CTIF: variants seen among roughly 807,000 people sequenced by gnomAD.
CTIF encodes cap binding complex dependent translation initiation factor, also known as CBP80/20-dependent translation initiation factor.
In CTIF, 21 loss-of-function variants were observed where a neutral mutation model predicts 66.0. The observed-to-expected ratio is 0.32, with a 90% CI of 0.23 to 0.46. The LOEUF (loss-of-function observed/expected upper bound fraction) is 0.46. CTIF is among the 20% of genes least tolerant of loss of function. CTIF has a pLI of 1.00. For missense variants in CTIF, 739 were observed against 812.7 expected, an observed-to-expected ratio of 0.91 and a Z score of 1.10; for synonymous variants, 345 against 326.4, an observed-to-expected ratio of 1.06 and a Z score of -0.62.
intron 7 of CTIF, among the ~76,000 whole-genome samples, chr18:48,716,505 T>C (rs1362865826): frequency 6.6e-6 from 1 of 152,032 alleles, no homozygotes; most frequent in Non-Finnish European, 1.5e-5. Flanking sequence ...CTTGGTGTCC[T>C]CTAAATGCTC....
intron 2 of CTIF, among the ~76,000 whole-genome samples, chr18:48,620,566 T>C (rs1481729015): frequency 6.6e-6 from 1 of 152,092 alleles, no homozygotes; most frequent in African/African-American, 2.4e-5. Flanking sequence ...ATCTGGCAAA[T>C]GGGAATTATG....
chr18:48,556,949 T>C (rs547345601), intron 1 of CTIF, among the ~76,000 whole-genome samples: 3 of 152,366 alleles, frequency 2.0e-5, no homozygotes, highest in Admixed American at 6.5e-5. Context: ...CAGTGTCTAC[T>C]TCATAAGGCT....
intron 6 of CTIF, among the ~76,000 whole-genome samples, chr18:48,698,415 G>A (rs1410229713): frequency 1.3e-5 from 2 of 152,126 alleles, no homozygotes; most frequent in Non-Finnish European, 2.9e-5. Context: ...GTCTCCTTGT[G>A]TTGCCCCGGC....
intron 1 of CTIF, among the ~76,000 whole-genome samples, chr18:48,598,732 G>A (rs1286793973): frequency 6.6e-6 from 1 of 152,198 alleles, no homozygotes; most frequent in African/African-American, 2.4e-5. Flanking sequence ...GCAAGAATGA[G>A]CATGATAGCA....
intron 7 of CTIF, among the ~76,000 whole-genome samples, chr18:48,753,063 A>G (rs190147071): frequency 1.3e-5 from 2 of 152,140 alleles, no homozygotes; most frequent in East Asian, 3.9e-4. Context: ...CCTCACCGCA[A>G]CCCTTGCGTT....
intron 2 of CTIF, chr18:48,625,384 T>C: frequency 1.1e-5 from 2 of 177,668 alleles, no homozygotes; most frequent in Non-Finnish European, 2.2e-5. Flanking sequence ...AATAATTAAA[T>C]TCTCCTGAGC....
chr18:48,677,876 C>T (rs1341821627), intron 6 of CTIF, among the ~76,000 whole-genome samples: 1 of 152,228 alleles, frequency 6.6e-6, no homozygotes, highest in East Asian at 1.9e-4. Flanking sequence ...ACCACAGAGG[C>T]TACCATGACT....
At position 48,608,572 on chromosome 18, in the gene CTIF, G is replaced by A. The variant is rs10438920; in HGVS notation, c.-28-10966G>A. 5.1e-3 allele frequency among the ~76,000 whole-genome samples: 780 copies of A among 152,284 alleles called. 3 individuals are homozygous for A. The highest frequency in any genetic ancestry group is 0.018 in the African/African-American group (757 of 41,558). ...GGTCTCTGTGACCTGGGCCGGTCAGGGTGGCATCTAAGAGGTGGGCTTGAG... is the reference window on the plus strand; with the variant it reads ...GGTCTCTGTGACCTGGGCCGGTCAGAGTGGCATCTAAGAGGTGGGCTTGAG... On this transcript the variant is annotated intron_variant, in intron 1 of 11. Transcript: ENST00000256413.
intron 10 of CTIF, among the ~76,000 whole-genome samples, chr18:48,848,395 C>G (rs957224243): frequency 6.6e-6 from 1 of 152,202 alleles, no homozygotes; most frequent in South Asian, 2.1e-4. Flanking sequence ...CACCTCCAGT[C>G]GCTACCAAAG....
At chr18:48,806,909 C>A (rs545844185) in intron 9 of CTIF, among the ~76,000 whole-genome samples, 1 of 152,096 alleles carries the variant, frequency 6.6e-6, no homozygotes, top group Non-Finnish European at 1.5e-5. Context: ...TAAATGGTAG[C>A]CTTAAAGTTT....
At chr18:48,648,209 C>G (rs1364480881) in intron 3 of CTIF, among the ~76,000 whole-genome samples, 1 of 152,148 alleles carries the variant, frequency 6.6e-6, no homozygotes, top group African/African-American at 2.4e-5. Flanking sequence ...CAGGCATTAT[C>G]ATTGTCTCCT....
At chr18:48,737,108 C>T (rs938996234) in intron 7 of CTIF, among the ~76,000 whole-genome samples, 3 of 152,106 alleles carry the variant, frequency 2.0e-5, no homozygotes, top group African/African-American at 7.2e-5. Context: ...TGATGAGAGA[C>T]TCCTGTGTCT....
intron 10 of CTIF, among the ~76,000 whole-genome samples, chr18:48,845,457 AT>A (rs1226178312): frequency 6.6e-6 from 1 of 152,002 alleles, no homozygotes; most frequent in Non-Finnish European, 1.5e-5. Context: ...TCATGACGCC[AT>A]TTCCTCCTGT....
chr18:48,609,460 C>G (rs570677790), intron 1 of CTIF, among the ~76,000 whole-genome samples: 1 of 152,254 alleles, frequency 6.6e-6, no homozygotes, highest in East Asian at 1.9e-4. Context: ...TTGATGTATG[C>G]CTAGCGGTGT....
chr18:48,757,924 A>T lies in CTIF; in HGVS notation c.590A>T (p.Gln197Leu). Residue 197 changes from glutamine (Q) to leucine (L), a missense_variant, in exon 8 of 12, where the codon CAG (glutamine) becomes CTG (leucine). Coordinates refer to ENST00000256413, the MANE Select transcript of CTIF (RefSeq NM_014772.3). ...CTTTCCTCTTCCGTTTGCAGGCGGC[A>T]GCAGAGACCTCCGGGGGGCAACAAG... ...FRRRRNDRRR[Q>L]QRPPGGNKPQ... 2 of 1,610,120 alleles carry T rather than the reference A, an allele frequency of 1.2e-6. No individual in the cohort carries two copies. The highest frequency in any genetic ancestry group is 8.5e-7 in the Non-Finnish European group (1 of 1,177,368).
intron 6 of CTIF, among the ~76,000 whole-genome samples, chr18:48,693,586 G>A (rs1167683158): frequency 6.6e-6 from 1 of 152,196 alleles, no homozygotes; most frequent in Non-Finnish European, 1.5e-5. Flanking sequence ...CTATGAAGGA[G>A]TGGGGAGAGA....
At chr18:48,642,109 T>A (rs1598790245) in intron 3 of CTIF, among the ~76,000 whole-genome samples, 1 of 152,382 alleles carries the variant, frequency 6.6e-6, no homozygotes, top group East Asian at 1.9e-4. Flanking sequence ...CAGGTATATG[T>A]TCATAGTGCT....
chr18:48,815,258 C>T (rs1217749729), intron 9 of CTIF, among the ~76,000 whole-genome samples: 2 of 152,082 alleles, frequency 1.3e-5, no homozygotes, highest in Admixed American at 6.5e-5. Flanking sequence ...TAAAAAACAC[C>T]ATAAGGAGAA....
Position 48,769,387 on chromosome 18 carries a change from G to T in CTIF, c.1371+7698G>T, listed in dbSNP as rs551518547. Reference sequence around the variant, plus strand: ...CGCTTTCCCCGTGGGCAGGCTGCACGGAAGCTTGCAAAAGCCCAGAAAAGG... The same window carrying T: ...CGCTTTCCCCGTGGGCAGGCTGCACTGAAGCTTGCAAAAGCCCAGAAAAGG... On this transcript the variant is annotated intron_variant, in intron 9 of 11. Transcript: ENST00000256413. Among the ~76,000 whole-genome samples, 3 of 152,226 alleles carry T rather than the reference G, an allele frequency of 2.0e-5. No homozygotes were observed. In the South Asian group the frequency reaches 6.2e-4, roughly 31 times the overall value.
Sources: gnomAD v4.1 joint callset for allele counts (sites outside exome capture counted in the v4.1 genomes callset) on GRCh38, gnomAD v4.1.1 for gene constraint, MANE v1.5 for transcripts, NCBI Gene and HGNC (gene_info 2026-07-23, HGNC 2026-07-21) for gene names.